The following DSCAML1 variants were observed in gnomAD, a reference collection of about 807,000 sequenced individuals.
The protein encoded by DSCAML1 is DS cell adhesion molecule like 1.
A neutral mutation model predicts 200.5 loss-of-function variants in DSCAML1; 38 were observed. The observed-to-expected ratio is 0.19, with a 90% CI of 0.15 to 0.25. The LOEUF (loss-of-function observed/expected upper bound fraction) is 0.25, where lower values mean the gene tolerates loss of function less well. Among genes scored for constraint, DSCAML1 ranks in the 10% least tolerant of loss-of-function variants. The pLI, the probability that DSCAML1 is intolerant of heterozygous loss-of-function variation, is 1.00. For synonymous variants in DSCAML1, 1,215 were observed against 1,165.0 expected (o/e 1.04, Z -0.87); for missense variants, 2,223 against 2,858.8 (o/e 0.78, Z 5.07).
chr11:117,687,424 C>A (rs2053419282), intron 3 of DSCAML1, among the ~76,000 whole-genome samples: 1 of 51,818 alleles, frequency 1.9e-5, no homozygotes, highest in African/African-American at 1.1e-4. Context: ...CCATGCCTGG[C>A]TATTTTTTTT....
chr11:117,760,894 G>C (rs1323035502), intron 3 of DSCAML1, among the ~76,000 whole-genome samples: 1 of 152,126 alleles, frequency 6.6e-6, no homozygotes, highest in African/African-American at 2.4e-5. Context: ...CATCCAGAAA[G>C]AGGTCATAAC....
At chr11:117,487,124 C>A (rs2049088908) in intron 11 of DSCAML1, among the ~76,000 whole-genome samples, 1 of 151,676 alleles carries the variant, frequency 6.6e-6, no homozygotes, top group Non-Finnish European at 1.5e-5. Flanking sequence ...GGGGTTTCAC[C>A]ATATTGGTCA....
At chr11:117,479,308 C>T (rs904325793) in intron 14 of DSCAML1, among the ~76,000 whole-genome samples, 3 of 152,222 alleles carry the variant, frequency 2.0e-5, no homozygotes, top group Admixed American at 6.5e-5. Flanking sequence ...GGGAAGGAGA[C>T]TGAGGAAGAT....
chr11:117,594,336 G>A (rs1394886123), intron 3 of DSCAML1, among the ~76,000 whole-genome samples: 1 of 152,226 alleles, frequency 6.6e-6, no homozygotes, highest in Non-Finnish European at 1.5e-5. Context: ...TGGGTTTTGT[G>A]CATGAAATGC....
At chr11:117,771,442 T>C (rs914873436) in intron 3 of DSCAML1, among the ~76,000 whole-genome samples, 6 of 152,204 alleles carry the variant, frequency 3.9e-5, no homozygotes, top group Non-Finnish European at 8.8e-5. Context: ...GTCTTTAAGC[T>C]GGAGATCTGT....
intron 17 of DSCAML1, 118 bp from the exon 18 acceptor site, chr11:117,461,714 A>C: frequency 1.1e-6 from 1 of 915,462 alleles, no homozygotes; most frequent in South Asian, 1.6e-5. Context: ...CAGTTAGACA[A>C]GTGGGGGGAC....
intron 3 of DSCAML1, among the ~76,000 whole-genome samples, chr11:117,712,348 T>C (rs2053864348): frequency 6.6e-6 from 1 of 152,028 alleles, no homozygotes; most frequent in Non-Finnish European, 1.5e-5. Context: ...GACACAGTGA[T>C]GGGGAAGGAA....
chr11:117,548,493 C>T (rs2050417043), intron 3 of DSCAML1, among the ~76,000 whole-genome samples: 1 of 152,248 alleles, frequency 6.6e-6, no homozygotes, highest in South Asian at 2.1e-4. Context: ...CCAGAACCTT[C>T]TCTCCCTTTC....
intron 3 of DSCAML1, among the ~76,000 whole-genome samples, chr11:117,746,335 T>A (rs2054517910): frequency 6.6e-6 from 1 of 152,090 alleles, no homozygotes; most frequent in Admixed American, 6.5e-5. Context: ...TATGGGCATT[T>A]GGAAGCAGAC....
chr11:117,770,502 G>A (rs775791724), intron 3 of DSCAML1, among the ~76,000 whole-genome samples: 10 of 151,994 alleles, frequency 6.6e-5, no homozygotes, highest in Non-Finnish European at 1.0e-4. Flanking sequence ...GATTTGCCAC[G>A]GGACATTAGG....
intron 3 of DSCAML1, among the ~76,000 whole-genome samples, chr11:117,631,082 CG>C (rs1174742170): frequency 6.6e-6 from 1 of 152,058 alleles, no homozygotes; most frequent in East Asian, 1.9e-4. Context: ...TGACAAAGGT[CG>C]GGGGAGGGCT....
At chr11:117,721,038 T>C (rs2054033761) in intron 3 of DSCAML1, among the ~76,000 whole-genome samples, 1 of 152,200 alleles carries the variant, frequency 6.6e-6, no homozygotes, top group Non-Finnish European at 1.5e-5. Context: ...CAATCCCCAT[T>C]GTACAGATGA....
chr11:117,444,511 T>G (rs2048136915), intron 20 of DSCAML1, among the ~76,000 whole-genome samples: 1 of 152,144 alleles, frequency 6.6e-6, no homozygotes, highest in African/African-American at 2.4e-5. Flanking sequence ...GCCGTCTAAT[T>G]ACCACTCCTG....
intron 3 of DSCAML1, among the ~76,000 whole-genome samples, chr11:117,746,275 A>T (rs1176159033): frequency 2.0e-5 from 3 of 150,190 alleles, no homozygotes; most frequent in African/African-American, 7.3e-5. Context: ...ATATAAGTGA[A>T]TTTTTATTAT....
rs746697927 is a variant in DSCAML1, at chr11:117,642,790, T to G, written c.512-110268A>C. Among the ~76,000 whole-genome samples the G allele has an allele frequency of 6.6e-6, 1 of 152,100 alleles. No individual in the cohort carries two copies. ...CCCATCTCACTCTTGGATTCCTTCATCCCCTTTCCACCTCCAACCCTTTGT... is the reference window on the plus strand; with the variant it reads ...CCCATCTCACTCTTGGATTCCTTCAGCCCCTTTCCACCTCCAACCCTTTGT... On this transcript the variant is annotated intron_variant, in intron 3 of 32. Coordinates refer to ENST00000651296, the MANE Select transcript of DSCAML1 (RefSeq NM_020693.4). This position sits in a 1 kb window ranked among gnomAD's most constrained non-coding sequence, Gnocchi z 4.1.
intron 11 of DSCAML1, among the ~76,000 whole-genome samples, chr11:117,501,833 A>G (rs10790191): frequency 0.57 from 85,991 of 151,736 alleles, 25,140 homozygotes; most frequent in African/African-American, 0.71. Flanking sequence ...TAGCCCTACC[A>G]GGAGAGAACT....
intron 1 of DSCAML1, among the ~76,000 whole-genome samples, chr11:117,786,183 C>T (rs1350771262): frequency 6.6e-6 from 1 of 152,202 alleles, no homozygotes; most frequent in African/African-American, 2.4e-5. Flanking sequence ...AAGACAGAGA[C>T]ACTCAGATCA....
At chr11:117,617,382 G>A (rs1364606910) in intron 3 of DSCAML1, among the ~76,000 whole-genome samples, 1 of 152,184 alleles carries the variant, frequency 6.6e-6, no homozygotes, top group East Asian at 1.9e-4. Context: ...TATGCATGTT[G>A]TGGTATTTTT....
chr11:117,658,264 C>A (rs1168434981), intron 3 of DSCAML1, among the ~76,000 whole-genome samples: 1 of 152,184 alleles, frequency 6.6e-6, no homozygotes, highest in African/African-American at 2.4e-5. Flanking sequence ...ATCAGAGGCA[C>A]AGTATCAGAT....
Sources: gnomAD v4.1 joint callset for allele counts (sites outside exome capture counted in the v4.1 genomes callset) on GRCh38, gnomAD v4.1.1 for gene constraint, Gnocchi (gnomAD v3.1) non-coding constraint, MANE v1.5 for transcripts, NCBI Gene and HGNC (gene_info 2026-07-23, HGNC 2026-07-21) for gene names.